FRMD4B: variants seen among roughly 807,000 people sequenced by gnomAD.
FRMD4B encodes FERM domain containing 4B.
FRMD4B carries 74 observed loss-of-function variants against 141.5 expected under a neutral mutation model. The ratio of observed to expected loss-of-function variants is 0.52; its 90% CI spans 0.43 to 0.63. The LOEUF is 0.63. Among genes scored for constraint, FRMD4B ranks in the 30% least tolerant of loss-of-function variants. The pLI is 0.00. For missense variants in FRMD4B, 1,366 were observed against 1,253.4 expected, an observed-to-expected ratio of 1.09 and a Z score of -1.36; for synonymous variants, 506 against 467.9, an observed-to-expected ratio of 1.08 and a Z score of -1.05.
chr3:69,225,524 A>C, intron 7 of FRMD4B, among the ~76,000 whole-genome samples: 1 of 138,458 alleles, frequency 7.2e-6, no homozygotes, highest in African/African-American at 2.7e-5. Context: ...AAATACAAAA[A>C]AAAAAAAAAA....
intron 4 of FRMD4B, among the ~76,000 whole-genome samples, chr3:69,300,724 A>G (rs1020659489): frequency 5.9e-5 from 9 of 152,114 alleles, no homozygotes; most frequent in African/African-American, 2.2e-4. Context: ...GGTGCAACCT[A>G]TTGGTTTTTT....
At position 69,222,142 on chromosome 3, in the gene FRMD4B, G is replaced by C. The variant is rs79200627; in HGVS notation, c.666-219C>G. Among the ~76,000 whole-genome samples the C allele has an allele frequency of 1.3e-3, 194 of 151,898 alleles. 1 individual carries two copies. Among genetic ancestry groups the C allele is most frequent in the African/African-American group, 4.4e-3 (184 of 41,482 alleles). On this transcript the variant is annotated intron_variant, in intron 8 of 22. Transcript: ENST00000398540. ...TCATCTTTAACTTATGTTTTATGTAGCATATTTATATAATATATATATTAC... is the reference window on the plus strand; with the variant it reads ...TCATCTTTAACTTATGTTTTATGTACCATATTTATATAATATATATATTAC...
chr3:69,213,369 T>TA (rs10717974), intron 11 of FRMD4B, among the ~76,000 whole-genome samples: 4,356 of 124,558 alleles, frequency 0.035, 199 homozygotes, highest in African/African-American at 0.1. Context: ...TTACTCTGGG[T>TA]AAAAAAAAAA....
intron 19 of FRMD4B, among the ~76,000 whole-genome samples, chr3:69,186,922 T>C (rs2092774331): frequency 6.6e-6 from 1 of 152,212 alleles, no homozygotes. Context: ...TACAGCCAAG[T>C]TCTGGGAACC....
intron 1 of FRMD4B, chr3:69,536,032 C>G (rs988845697): frequency 4.9e-6 from 2 of 404,852 alleles, no homozygotes. Flanking sequence ...ACCTGCGTGG[C>G]CTTGTCTGGC....
At chr3:69,400,985 G>T (rs1704553739) in intron 2 of FRMD4B, among the ~76,000 whole-genome samples, 1 of 152,144 alleles carries the variant, frequency 6.6e-6, no homozygotes, top group Non-Finnish European at 1.5e-5. Flanking sequence ...AATGTCAATG[G>T]TTACCGGCAT....
intron 4 of FRMD4B, among the ~76,000 whole-genome samples, chr3:69,295,041 G>A (rs980762895): frequency 3.9e-5 from 6 of 152,214 alleles, no homozygotes; most frequent in African/African-American, 1.4e-4. Flanking sequence ...GGTTGAGGCA[G>A]CCTGTTATTT....
intron 1 of FRMD4B, among the ~76,000 whole-genome samples, chr3:69,493,798 G>T (rs925652126): frequency 3.3e-5 from 5 of 152,132 alleles, no homozygotes; most frequent in African/African-American, 9.7e-5. Context: ...GACATAATTG[G>T]TTCTCATAAA....
chr3:69,370,592 A>G (rs1039831760), intron 1 of FRMD4B, among the ~76,000 whole-genome samples: 4 of 152,266 alleles, frequency 2.6e-5, no homozygotes, highest in Non-Finnish European at 5.9e-5. Flanking sequence ...TTCAATAATG[A>G]AAAAGAATAA....
In FRMD4B at chr3:69,181,304, C is replaced by T. The variant is rs1486193591; in HGVS notation, c.2446G>A (p.Asp816Asn). Residue 816 changes from aspartate (D) to asparagine (N), a missense_variant, in exon 21 of 23, where the codon GAC becomes AAC. Asp to Asn is a conservative substitution (Grantham distance 23). Coordinates refer to ENST00000398540, the MANE Select transcript of FRMD4B (RefSeq NM_015123.3). ...ACATAACCACCACTGTAATAAAAGTCACACTCTGCATAGGGTGTGTACCCG... is the reference window on the plus strand; with the variant it reads ...ACATAACCACCACTGTAATAAAAGTTACACTCTGCATAGGGTGTGTACCCG... The part of the protein sequence containing the change: ...IAGYTPYAEC[D>N]FYYSGGYVYE... 6.2e-7 allele frequency: 1 copy of T among 1,613,946 alleles called. No homozygotes were observed. Among genetic ancestry groups the T allele is most frequent in the Non-Finnish European group, 8.5e-7 (1 of 1,179,876 alleles).
chr3:69,485,525 C>T (rs1429595458), intron 1 of FRMD4B, among the ~76,000 whole-genome samples: 4 of 152,214 alleles, frequency 2.6e-5, no homozygotes, highest in Non-Finnish European at 2.9e-5. Context: ...GCCTGGGTTG[C>T]AGCCACAGCT....
intron 7 of FRMD4B, among the ~76,000 whole-genome samples, chr3:69,244,188 T>C (rs1439535981): frequency 6.6e-6 from 1 of 152,054 alleles, no homozygotes; most frequent in Non-Finnish European, 1.5e-5. Context: ...AGGAAATCTG[T>C]CTGACAGGTG....
chr3:69,194,346 G>A (rs1382044717), intron 16 of FRMD4B, among the ~76,000 whole-genome samples: 1 of 152,140 alleles, frequency 6.6e-6, no homozygotes, highest in Non-Finnish European at 1.5e-5. Flanking sequence ...GTAGGATGAG[G>A]ATTAAATGAG....
chr3:69,541,037 TG>T (rs1319624038), intron 1 of FRMD4B: 1 of 152,208 alleles, frequency 6.6e-6, no homozygotes, highest in Admixed American at 6.5e-5. Context: ...TCTAGACATT[TG>T]ATTTGGAAAC....
At chr3:69,537,266 C>T (rs1384654097) in intron 1 of FRMD4B, among the ~76,000 whole-genome samples, 2 of 152,148 alleles carry the variant, frequency 1.3e-5, no homozygotes, top group Non-Finnish European at 2.9e-5. Context: ...ACACACTAGG[C>T]CCCCTTTCCC....
At chr3:69,356,969 A>G (rs1389229504) in intron 1 of FRMD4B, among the ~76,000 whole-genome samples, 1 of 152,168 alleles carries the variant, frequency 6.6e-6, no homozygotes, top group African/African-American at 2.4e-5. Flanking sequence ...TTTATTTGCA[A>G]ACAAAAATAT....
intron 2 of FRMD4B, among the ~76,000 whole-genome samples, chr3:69,417,527 T>C (rs1206429591): frequency 6.6e-6 from 1 of 152,242 alleles, no homozygotes; most frequent in Non-Finnish European, 1.5e-5. Flanking sequence ...TTTCTTTTGC[T>C]GTGCAGAAGC....
At position 69,289,542 on chromosome 3, in the gene FRMD4B, T is replaced by G. The variant is rs925304414; in HGVS notation, c.417-1706A>C. Among the ~76,000 whole-genome samples, 2 of 152,166 alleles carry G rather than the reference T, an allele frequency of 1.3e-5. 1 individual carries two copies. Among genetic ancestry groups the G allele is most frequent in the South Asian group, 4.1e-4 (2 of 4,834 alleles). On this transcript the variant is annotated intron_variant, in intron 4 of 22. Coordinates refer to ENST00000398540, the MANE Select transcript of FRMD4B (RefSeq NM_015123.3). ...CAGACGCAGTGGCTCACGCCTGTAA[T>G]CCCAGCACTTTGGGAGGCCGAGGCG...
chr3:69,301,976 ATGTT>A (rs1338434669), intron 4 of FRMD4B, among the ~76,000 whole-genome samples: 1 of 152,226 alleles, frequency 6.6e-6, no homozygotes, highest in African/African-American at 2.4e-5. Context: ...GTAATAGCAA[ATGTT>A]TGTCACATTT....
Sources: gnomAD v4.1 joint callset for allele counts (sites outside exome capture counted in the v4.1 genomes callset) on GRCh38, gnomAD v4.1.1 for gene constraint, MANE v1.5 for transcripts, NCBI Gene and HGNC (gene_info 2026-07-23, HGNC 2026-07-21) for gene names.